TCF20: variants seen among roughly 807,000 people sequenced by gnomAD.
TCF20 encodes transcription factor 20.
In TCF20, 3 loss-of-function variants were observed where a neutral mutation model predicts 148.6. The ratio of observed to expected loss-of-function variants is 0.02; its 90% CI spans 0.01 to 0.05. The LOEUF (loss-of-function observed/expected upper bound fraction) is 0.05. Ranked by LOEUF, TCF20 falls within the 10% of genes least tolerant of loss-of-function variation. The pLI, the probability that TCF20 is intolerant of heterozygous loss-of-function variation, is 1.00. For missense variants in TCF20, 2,350 were observed against 2,429.3 expected (o/e 0.97, Z 0.69); for synonymous variants, 1,049 against 909.5 (o/e 1.15, Z -2.76).
At chr22:42,320,615 G>A (rs1388813496) in intron 1 of TCF20, among the ~76,000 whole-genome samples, 2 of 152,208 alleles carry the variant, frequency 1.3e-5, no homozygotes, top group Admixed American at 6.5e-5. Context: ...TTGCATTCCT[G>A]CTGTATCTCC....
chr22:42,270,769 G>T (rs1301578262), upstream of TCF20, among the ~76,000 whole-genome samples: 3 of 144,908 alleles, frequency 2.1e-5, no homozygotes, highest in Admixed American at 2.0e-4. Context: ...GCTGGGGGCG[G>T]GGCCGGGCGC....
At chr22:42,236,669 T>C (rs575727744) in intron 1 of TCF20, among the ~76,000 whole-genome samples, 72 of 152,148 alleles carry the variant, frequency 4.7e-4, no homozygotes, top group Admixed American at 2.2e-3. Flanking sequence ...ATCCTAAATT[T>C]TGAAAATAAA....
chr22:42,242,674 G>A (rs181032663), intron 1 of TCF20, among the ~76,000 whole-genome samples: 4 of 152,148 alleles, frequency 2.6e-5, no homozygotes, highest in Admixed American at 2.6e-4. Context: ...ATCACCTGAG[G>A]TCAGGAGTTC....
chr22:42,262,162 T>C (rs1034905011), intron 1 of TCF20, among the ~76,000 whole-genome samples: 3 of 152,276 alleles, frequency 2.0e-5, no homozygotes, highest in Non-Finnish European at 1.5e-5. Flanking sequence ...CTAAGTGCTA[T>C]GGAAAACCAT....
At chr22:42,202,553 G>A (rs17002873) in intron 2 of TCF20, among the ~76,000 whole-genome samples, 3 of 152,218 alleles carry the variant, frequency 2.0e-5, no homozygotes, top group East Asian at 3.8e-4. Context: ...TGAGGAGAAC[G>A]GCAAAAGCCA....
intron 1 of TCF20, among the ~76,000 whole-genome samples, chr22:42,307,644 G>T (rs1927459085): frequency 6.6e-6 from 1 of 152,254 alleles, no homozygotes; most frequent in Admixed American, 6.5e-5. Context: ...CGTCCCCTGG[G>T]ATGGGACTCT....
chr22:42,251,971 A>C (rs575482902), intron 1 of TCF20, among the ~76,000 whole-genome samples: 20 of 151,768 alleles, frequency 1.3e-4, no homozygotes, highest in African/African-American at 4.8e-4. Context: ...CGGGAGGCTG[A>C]GGTGGGCAGA....
At chr22:42,245,410 G>A (rs555459953) in intron 1 of TCF20, among the ~76,000 whole-genome samples, 7 of 152,106 alleles carry the variant, frequency 4.6e-5, no homozygotes, top group South Asian at 2.1e-4. Flanking sequence ...TACTCATCTC[G>A]GCCCTGCAAA....
intron 1 of TCF20, among the ~76,000 whole-genome samples, chr22:42,260,656 T>TA: frequency 6.6e-6 from 1 of 152,260 alleles, no homozygotes; most frequent in Admixed American, 6.5e-5. Context: ...GGTTAATTTT[T>TA]AAAAAATTTT....
rs374602299 is a variant in TCF20, at chr22:42,241,780, G to C, written c.-36-26439C>G. Among the ~76,000 whole-genome samples, 20 of 152,150 alleles carry C rather than the reference G, an allele frequency of 1.3e-4. No individual in the cohort carries two copies. In the South Asian group the frequency reaches 3.9e-3, roughly 30 times the overall value. ...AGGCAGAGGGTGCAGTGAGAGCCAAGATCGTGCCACTGCACTGCACCCCAG... is the reference window on the plus strand; with the variant it reads ...AGGCAGAGGGTGCAGTGAGAGCCAACATCGTGCCACTGCACTGCACCCCAG... On this transcript the variant is annotated intron_variant, in intron 1 of 5. Coordinates refer to ENST00000677622, the MANE Select transcript of TCF20 (RefSeq NM_001378418.1).
chr22:42,211,042 G>C lies in TCF20; in HGVS notation c.4264C>G (p.Gln1422Glu), dbSNP rs1430108068. 3.7e-6 allele frequency: 6 copies of C among 1,613,988 alleles called. No individual in the cohort carries two copies. Among genetic ancestry groups the C allele is most frequent in the South Asian group, 1.1e-5 (1 of 91,076 alleles). Residue 1422 changes from glutamine (Q) to glutamate (E), a missense_variant, in exon 2 of 6, where the codon CAG (glutamine) becomes GAG (glutamate). Coordinates refer to ENST00000677622, the MANE Select transcript of TCF20 (RefSeq NM_001378418.1). ...AGAGGTTTCTCTACGTGCAACTCCT[G>C]GTTTGCTGGACTGACTAGGTCCGAA... The part of the protein sequence containing the change: ...VASDLVSPAN[Q>E]ELHVEKPLPR...
At chr22:42,164,246 A>C in intron 5 of TCF20, among the ~76,000 whole-genome samples, 1 of 114,760 alleles carries the variant, frequency 8.7e-6, no homozygotes, top group Admixed American at 1.2e-4. Context: ...ATGGAGTCTC[A>C]CTCTGTCGTC....
intron 1 of TCF20, among the ~76,000 whole-genome samples, chr22:42,216,034 C>CCCAGTTAT (rs1466732829): frequency 6.8e-6 from 1 of 146,454 alleles, no homozygotes; most frequent in African/African-American, 2.5e-5. Flanking sequence ...CAATAAGCCT[C>CCCAGTTAT]CCAGTTATGC....
intron 1 of TCF20, among the ~76,000 whole-genome samples, chr22:42,257,863 G>A (rs534431910): frequency 1.4e-4 from 22 of 152,288 alleles, no homozygotes; most frequent in African/African-American, 4.6e-4. Context: ...CCCCCCTGCC[G>A]CCTTTCTTCC....
At chr22:42,226,564 A>G (rs1922915418) in intron 1 of TCF20, among the ~76,000 whole-genome samples, 1 of 151,958 alleles carries the variant, frequency 6.6e-6, no homozygotes, top group African/African-American at 2.4e-5. Flanking sequence ...AACTGGCCAC[A>G]TACGGTGGCG....
chr22:42,210,634 G>A lies in TCF20; in HGVS notation c.4672C>T (p.Pro1558Ser), dbSNP rs746748316. 6.2e-7 allele frequency: 1 copy of A among 1,614,158 alleles called. No homozygotes were observed. The highest frequency in any genetic ancestry group is 1.1e-5 in the South Asian group (1 of 91,076). ...ATCTGTGGGGGCTGAGGGGGTGGAGGCGGTGGCTGCTGCTGTTTCTTTTGC... is the reference window on the plus strand; with the variant it reads ...ATCTGTGGGGGCTGAGGGGGTGGAGACGGTGGCTGCTGCTGTTTCTTTTGC... ...NKQKKQQQPP[P>S]PPPQPPQIPE... Residue 1558 changes from proline to serine, a missense_variant, in exon 2 of 6, where the codon CCT becomes TCT. Coordinates refer to ENST00000677622, the MANE Select transcript of TCF20 (RefSeq NM_001378418.1). This position sits in a 1 kb window ranked among gnomAD's most constrained non-coding sequence, Gnocchi z 4.7.
At chr22:42,208,663 C>T (rs1290241489) in intron 2 of TCF20, among the ~76,000 whole-genome samples, 2 of 151,864 alleles carry the variant, frequency 1.3e-5, no homozygotes, top group Non-Finnish European at 2.9e-5. Context: ...CTGAAGAAAG[C>T]ATAGAGAAAT....
At chr22:42,177,991 C>T (rs1936546407) in intron 3 of TCF20, among the ~76,000 whole-genome samples, 2 of 151,870 alleles carry the variant, frequency 1.3e-5, no homozygotes, top group Admixed American at 1.3e-4. Context: ...CTCTACCCAC[C>T]CCACTCCAGG....
chr22:42,225,328 C>A (rs1010648186), intron 1 of TCF20, among the ~76,000 whole-genome samples: 6 of 151,912 alleles, frequency 3.9e-5, no homozygotes, highest in Non-Finnish European at 8.8e-5. Context: ...AAATTACAAC[C>A]CTTAGGCCGG....
Sources: allele counts gnomAD v4.1 joint callset (sites outside exome capture counted in the v4.1 genomes callset), GRCh38; gene constraint gnomAD v4.1.1; non-coding constraint Gnocchi (gnomAD v3.1); transcripts MANE v1.5; gene names NCBI Gene and HGNC (gene_info 2026-07-23, HGNC 2026-07-21).